Variants in DIAPH3 observed in about 807,000 individuals in gnomAD.
The protein encoded by DIAPH3 is diaphanous related formin 3.
Under a neutral mutation model 144.3 loss-of-function variants are expected in DIAPH3, and 117 were observed. That is an observed-to-expected ratio of 0.81 (90% CI 0.70 to 0.95). The LOEUF is 0.95. Among genes scored for constraint, DIAPH3 ranks in the 40% least tolerant of loss-of-function variants. The probability of loss-of-function intolerance (pLI) is 0.00; values close to 1 mark genes in which losing one functional copy is unlikely to be tolerated. For missense variants in DIAPH3, 1,421 were observed against 1,412.7 expected (o/e 1.01, Z -0.09); for synonymous variants, 519 against 488.9 (o/e 1.06, Z -0.81).
intron 27 of DIAPH3, among the ~76,000 whole-genome samples, chr13:59,706,334 T>C (rs1349494279): frequency 6.6e-6 from 1 of 152,162 alleles, no homozygotes; most frequent in African/African-American, 2.4e-5. Flanking sequence ...TTACATCATA[T>C]AATTTTTGAA....
At chr13:59,802,382 TTC>T (rs1476453888) in intron 25 of DIAPH3, among the ~76,000 whole-genome samples, 1 of 151,878 alleles carries the variant, frequency 6.6e-6, no homozygotes, top group Non-Finnish European at 1.5e-5. Context: ...AGATTAAGTT[TTC>T]TCTGACAATT....
In DIAPH3 at chr13:59,666,770, G is replaced by A. The variant is rs377352298; in HGVS notation, c.3396C>T (p.Val1132=). Residue 1132 remains valine, a synonymous_variant, in exon 28 of 28, where the codon GTC becomes GTT. Coordinates refer to ENST00000400324, the MANE Select transcript of DIAPH3 (RefSeq NM_001042517.2). ...CTAGATTATAATTAAGCTCCTTGGC[G>A]ACTGGAGTCCTTGTTGAGTTGCAAT... ...NINCNSTRTP[V]AKELNYNLDT... 18 of 1,614,076 alleles carry A rather than the reference G, an allele frequency of 1.1e-5. No homozygotes were observed. The African/African-American group carries it at 1.7e-4, about 16-fold the overall frequency.
chr13:59,685,558 G>A (rs2033172117), intron 27 of DIAPH3, among the ~76,000 whole-genome samples: 1 of 152,088 alleles, frequency 6.6e-6, no homozygotes, highest in South Asian at 2.1e-4. Flanking sequence ...GAGCCCAGAA[G>A]TTAAGTGGAT....
intron 27 of DIAPH3, among the ~76,000 whole-genome samples, chr13:59,675,909 T>C (rs1400308412): frequency 6.6e-6 from 1 of 152,188 alleles, no homozygotes; most frequent in African/African-American, 2.4e-5. Context: ...GCTAATAACT[T>C]GCGAGCTGTA....
intron 27 of DIAPH3, among the ~76,000 whole-genome samples, chr13:59,722,342 T>C (rs2035386552): frequency 6.6e-6 from 1 of 152,180 alleles, no homozygotes; most frequent in African/African-American, 2.4e-5. Context: ...TAATGTATCC[T>C]GGTTATGGTG....
intron 27 of DIAPH3, among the ~76,000 whole-genome samples, chr13:59,713,223 T>C (rs1442649336): frequency 6.6e-6 from 1 of 151,454 alleles, no homozygotes; most frequent in East Asian, 1.9e-4. Flanking sequence ...ATACATCATC[T>C]GTAGTAATCT....
At chr13:59,738,458 T>C (rs6562057) in intron 27 of DIAPH3, among the ~76,000 whole-genome samples, 52,319 of 152,008 alleles carry the variant, frequency 0.34, 9,461 homozygotes, top group African/African-American at 0.44. Flanking sequence ...GCCAACTTGC[T>C]AAAGCAGTAC....
At chr13:60,051,965 G>A (rs1034213537) in intron 4 of DIAPH3, among the ~76,000 whole-genome samples, 1 of 152,200 alleles carries the variant, frequency 6.6e-6, no homozygotes, top group Non-Finnish European at 1.5e-5. Context: ...TTAAGGGCTT[G>A]CTTATTAACT....
At chr13:59,666,917 C>T (rs1224330704) in intron 27 of DIAPH3, 71 bp from the exon 28 acceptor site, 6 of 1,540,858 alleles carry the variant, frequency 3.9e-6, no homozygotes, top group African/African-American at 1.4e-5. Context: ...TTATGAAACA[C>T]ATTTAAAATA....
At chr13:59,793,271 T>C (rs554689729) in intron 25 of DIAPH3, among the ~76,000 whole-genome samples, 1 of 152,216 alleles carries the variant, frequency 6.6e-6, no homozygotes, top group East Asian at 1.9e-4. Context: ...CTCAGAAGTT[T>C]ACTCCATTGA....
At chr13:59,693,013 A>C (rs1407774559) in intron 27 of DIAPH3, among the ~76,000 whole-genome samples, 1 of 152,248 alleles carries the variant, frequency 6.6e-6, no homozygotes, top group African/African-American at 2.4e-5. Context: ...TACAATTATG[A>C]ATGTAACAAG....
chr13:59,722,626 A>T (rs1210891790), intron 27 of DIAPH3, among the ~76,000 whole-genome samples: 1 of 152,186 alleles, frequency 6.6e-6, no homozygotes, highest in Non-Finnish European at 1.5e-5. Context: ...TAGTACTAAA[A>T]GGCAGAAAGA....
intron 4 of DIAPH3, among the ~76,000 whole-genome samples, chr13:60,062,691 A>G (rs1267125836): frequency 6.6e-6 from 1 of 152,198 alleles, no homozygotes; most frequent in African/African-American, 2.4e-5. Context: ...ATGATAATAA[A>G]GCAGATAGAT....
intron 27 of DIAPH3, among the ~76,000 whole-genome samples, chr13:59,720,123 C>T (rs1354666345): frequency 1.3e-5 from 2 of 151,842 alleles, no homozygotes; most frequent in Admixed American, 6.6e-5. Context: ...TAGGCTATAC[C>T]GTAACACGAT....
chr13:60,132,656 CT>C (rs1482695457), intron 2 of DIAPH3, among the ~76,000 whole-genome samples: 1 of 152,018 alleles, frequency 6.6e-6, no homozygotes, highest in Non-Finnish European at 1.5e-5. Context: ...ATTTTTACTT[CT>C]TTTTTGAAGT....
intron 1 of DIAPH3, among the ~76,000 whole-genome samples, chr13:60,154,384 T>C (rs1217080101): frequency 1.3e-5 from 2 of 152,138 alleles, no homozygotes; most frequent in African/African-American, 4.8e-5. Context: ...ACACAGCTAA[T>C]AAGTGATATT....
intron 4 of DIAPH3, among the ~76,000 whole-genome samples, chr13:60,091,874 A>T (rs1231829718): frequency 6.6e-6 from 1 of 151,704 alleles, no homozygotes; most frequent in Non-Finnish European, 1.5e-5. Flanking sequence ...ACAGGGTCTC[A>T]CTCTGTCACC....
chr13:59,836,431 GCT>G (rs1349411894), intron 23 of DIAPH3, among the ~76,000 whole-genome samples: 1 of 151,542 alleles, frequency 6.6e-6, no homozygotes, highest in Admixed American at 6.6e-5. Context: ...TCTAATTAAG[GCT>G]CTGACTAGAC....
chr13:60,041,346 G>A (rs2055652524), intron 5 of DIAPH3, among the ~76,000 whole-genome samples: 1 of 152,148 alleles, frequency 6.6e-6, no homozygotes, highest in African/African-American at 2.4e-5. Flanking sequence ...AGCGTGTCTG[G>A]TAACGCGAGG....
Sources: gnomAD v4.1 joint callset for allele counts (sites outside exome capture counted in the v4.1 genomes callset) on GRCh38, gnomAD v4.1.1 for gene constraint, MANE v1.5 for transcripts, NCBI Gene and HGNC (gene_info 2026-07-23, HGNC 2026-07-21) for gene names.